The following PTK6 variants were observed in gnomAD, a reference collection of about 807,000 sequenced individuals.
PTK6 encodes the protein protein-tyrosine kinase 6.
Under a neutral mutation model 47.5 loss-of-function variants are expected in PTK6, and 47 were observed. The ratio of observed to expected loss-of-function variants is 0.99; its 90% confidence interval spans 0.78 to 1.26. The LOEUF (loss-of-function observed/expected upper bound fraction) is 1.26, where lower values mean the gene tolerates loss of function less well. PTK6 is among the 50% of genes most tolerant of loss of function. The probability of loss-of-function intolerance (pLI) is 0.00; values close to 1 mark genes in which losing one functional copy is unlikely to be tolerated. For synonymous variants in PTK6, 287 were observed against 276.5 expected (o/e 1.04, Z -0.38); for missense variants, 618 against 625.3 (o/e 0.99, Z 0.12).
At position 63,532,566 on chromosome 20, in the gene PTK6, C is replaced by T. The variant is rs773824786; in HGVS notation, c.792G>A (p.Thr264=). The T allele has an allele frequency of 5.1e-5, 83 of 1,613,812 alleles. No individual in the cohort carries two copies. Among genetic ancestry groups the T allele is most frequent in the Non-Finnish European group, 6.4e-5 (75 of 1,179,862 alleles). ...VSVGDPVYII[T]ELMAKGSLLE... ...GCAGGCTGCCCTTGGCCATGAGCTC[C>T]GTGATGATGTACACGGGGTCCCCCA... Residue 264 remains threonine, a synonymous_variant, in exon 5 of 8, where the codon ACG becomes ACA. Transcript: ENST00000542869.
rs200922148 is a variant in PTK6, at chr20:63,537,084, C to A, written c.230+1G>T. ...AGCTCCCAGCAGCCTAGGACACGCACGGTTCCGACTCCACCGTCTCCCTCT... is the reference window on the plus strand; with the variant it reads ...AGCTCCCAGCAGCCTAGGACACGCAAGGTTCCGACTCCACCGTCTCCCTCT... On this transcript the variant is annotated splice_donor_variant, in intron 1 of 7. Coordinates refer to ENST00000542869, the MANE Select transcript of PTK6 (RefSeq NM_005975.4). LOFTEE classifies it high-confidence loss of function. The A allele has an allele frequency of 5.4e-5, 86 of 1,606,604 alleles. No individual in the cohort carries two copies. The highest frequency in any genetic ancestry group is 7.1e-5 in the Non-Finnish European group (84 of 1,177,108).
At chr20:63,536,942 G>C in intron 1 of PTK6, 143 bp downstream of exon 1, 1 of 887,818 alleles carries the variant, frequency 1.1e-6, no homozygotes, top group Non-Finnish European at 1.7e-6. Flanking sequence ...CAAGCGGGAT[G>C]CCCAGCCTGG....
chr20:63,531,960 G>A (rs1210821878), intron 5 of PTK6, among the ~76,000 whole-genome samples: 1 of 152,222 alleles, frequency 6.6e-6, no homozygotes, highest in Non-Finnish European at 1.5e-5. Flanking sequence ...GACACACACG[G>A]CATTTTTCCT....
chr20:63,537,108 C>G lies in PTK6; in HGVS notation c.207G>C (p.Glu69Asp). The change falls in exon 1 of 8, where the codon GAG (glutamate) becomes GAC (aspartate). Residue 69 changes from glutamate (E) to aspartate (D), a missense_variant. Coordinates refer to ENST00000542869, the MANE Select transcript of PTK6 (RefSeq NM_005975.4). ...QGYVPHNYLA[E>D]RETVESEPWF... ...ACGGTTCCGACTCCACCGTCTCCCT[C>G]TCGGCCAGGTAGTTGTGGGGCACAT... The G allele has an allele frequency of 1.2e-6, 2 of 1,610,404 alleles. No homozygotes were observed. The highest frequency in any genetic ancestry group is 8.5e-7 in the Non-Finnish European group (1 of 1,178,988).
Position 63,530,316 on chromosome 20 carries a change from C to A in PTK6, c.1015-85G>T. 1 of 1,531,466 alleles carries A rather than the reference C, an allele frequency of 6.5e-7. No homozygotes were observed. Among genetic ancestry groups the A allele is most frequent in the Non-Finnish European group, 8.9e-7 (1 of 1,121,186 alleles). 94.9% of individuals were successfully genotyped at this position (1,531,466 alleles called of 1,614,324 possible). A position where few individuals can be genotyped will look rare whatever the true frequency, so the allele number is the denominator to read the frequency against. ...ATGGACGGGCACAGCGGCCGCATTGCCCCAGCAGTGGGACGGTGATGACCC... is the reference window on the plus strand; with the variant it reads ...ATGGACGGGCACAGCGGCCGCATTGACCCAGCAGTGGGACGGTGATGACCC... On this transcript the variant is annotated intron_variant, in intron 6 of 7. Coordinates refer to ENST00000542869, the MANE Select transcript of PTK6 (RefSeq NM_005975.4). The surrounding 1 kb of genome is among the most constrained non-coding windows in gnomAD (Gnocchi z 4.1).
chr20:63,534,897 G>GA (rs1569013077), intron 2 of PTK6, 41 bp downstream of exon 2: 7 of 1,562,272 alleles, frequency 4.5e-6, no homozygotes, highest in African/African-American at 1.3e-5. Flanking sequence ...AGAGCCAGGA[G>GA]CCCCCGCAGG....
intron 1 of PTK6, 60 bp from the exon 2 acceptor site, chr20:63,535,119 T>C: frequency 6.6e-7 from 1 of 1,520,062 alleles, no homozygotes; most frequent in South Asian, 1.3e-5. Context: ...GACCCCACGC[T>C]GGCCCCAGCC....
intron 1 of PTK6, among the ~76,000 whole-genome samples, chr20:63,535,687 C>G (rs1250626507): frequency 6.6e-6 from 1 of 151,662 alleles, no homozygotes; most frequent in East Asian, 1.9e-4. Context: ...CAGCATGGAG[C>G]CCCTGGGGTC....
At position 63,529,569 on chromosome 20, in the gene PTK6, G is replaced by T; in HGVS notation, c.1323C>A (p.Leu441=). Residue 441 remains leucine, a synonymous_variant, in exon 8 of 8, where the codon CTC becomes CTA. Coordinates refer to ENST00000542869, the MANE Select transcript of PTK6 (RefSeq NM_005975.4). This position sits in a 1 kb window ranked among gnomAD's most constrained non-coding sequence, Gnocchi z 5.6. ...GGTTCTCGTAGCTGGTGAAGCTGGA[G>T]AGCCTCTCCCGCAGGGCCTTGAAGC... is the stretch of plus-strand genomic sequence containing the variant. The part of the protein sequence containing the change: ...RPCFKALRER[L]SSFTSYENPT The T allele has an allele frequency of 6.3e-7, 1 of 1,575,338 alleles. No homozygotes were observed. Among genetic ancestry groups the T allele is most frequent in the South Asian group, 1.2e-5 (1 of 85,974 alleles).
chr20:63,530,306 G>A lies in PTK6; in HGVS notation c.1015-75C>T, dbSNP rs1006237481. 39 of 1,561,584 alleles carry A rather than the reference G, an allele frequency of 2.5e-5. No homozygotes were observed. The highest frequency in any genetic ancestry group is 3.1e-5 in the Non-Finnish European group (35 of 1,143,694). Reference sequence around the variant, plus strand: ...CCCCCGAAGCATGGACGGGCACAGCGGCCGCATTGCCCCAGCAGTGGGACG... The same window carrying A: ...CCCCCGAAGCATGGACGGGCACAGCAGCCGCATTGCCCCAGCAGTGGGACG... On this transcript the variant is annotated intron_variant, in intron 6 of 7. Coordinates refer to ENST00000542869, the MANE Select transcript of PTK6 (RefSeq NM_005975.4). This position sits in a 1 kb window ranked among gnomAD's most constrained non-coding sequence, Gnocchi z 4.1.
Position 63,537,172 on chromosome 20 carries a change from G to A in PTK6, c.143C>T (p.Thr48Met), listed in dbSNP as rs756149302. The A allele has an allele frequency of 1.7e-5, 27 of 1,612,230 alleles. No individual in the cohort carries two copies. The highest frequency in any genetic ancestry group is 4.4e-5 in the South Asian group (4 of 91,004). The stretch of plus-strand genomic sequence containing the variant: ...GGCCCCACCCGCCTCGTCCAGCAGC[G>A]TGGCCCACCACCACTGCTCCTCCTT... ...ARKEEQWWWA[T>M]LLDEAGGAVA... The change falls in exon 1 of 8, where the codon ACG (threonine) becomes ATG (methionine). Residue 48 changes from threonine (T) to methionine (M), a missense_variant. Thr to Met is a moderately conservative substitution (Grantham distance 81, BLOSUM62 -1). Transcript: ENST00000542869.
Position 63,532,528 on chromosome 20 carries a change from C to T in PTK6, c.830G>A (p.Arg277His), listed in dbSNP as rs748636967. 28 of 1,609,698 alleles carry T rather than the reference C, an allele frequency of 1.7e-5. No homozygotes were observed. Among genetic ancestry groups the T allele is most frequent in the African/African-American group, 2.7e-5 (2 of 74,870 alleles). Reference protein sequence around the residue: ...MAKGSLLELLRDSDEKVLPVS... With the variant: ...MAKGSLLELLHDSDEKVLPVS... ...GAGCCCCGGCCCATGCCACTCACCG[C>T]GGAGCAGCTCCAGCAGGCTGCCCTT... The change falls in exon 5 of 8, where the codon CGC becomes CAC. Residue 277 changes from arginine (R) to histidine (H), a missense_variant and splice_region_variant. Physicochemically the swap from Arg to His is conservative, Grantham distance 29 (BLOSUM62 0). Transcript: ENST00000542869.
chr20:63,534,693 G>C (rs1455500916), intron 2 of PTK6, among the ~76,000 whole-genome samples: 2 of 152,120 alleles, frequency 1.3e-5, no homozygotes, highest in Non-Finnish European at 2.9e-5. Context: ...GAGTGCCTCG[G>C]GCAGGGCTGG....
chr20:63,530,226 G>A lies in PTK6; in HGVS notation c.1020C>T (p.Asp340=), dbSNP rs751839013. ...TATTGTGGTCATGGGAGAGGTAGAC[G>A]TCCTCCTGCAATCAGCCTGGAGCTG... ...DFGLARLIKE[D]VYLSHDHNIP... is the part of the protein sequence containing the mutation. Residue 340 remains aspartate (D), a synonymous_variant, in exon 7 of 8, where the codon GAC becomes GAT. Coordinates refer to ENST00000542869, the MANE Select transcript of PTK6 (RefSeq NM_005975.4). The surrounding 1 kb of genome is among the most constrained non-coding windows in gnomAD (Gnocchi z 4.1). The A allele has an allele frequency of 2.1e-5, 34 of 1,613,760 alleles. No individual in the cohort carries two copies. In the African/African-American group the frequency reaches 3.2e-4, roughly 15 times the overall value.
Position 63,533,462 on chromosome 20 carries a change from C to T in PTK6, c.670+89G>A, listed in dbSNP as rs970684293. On this transcript the variant is annotated intron_variant, in intron 4 of 7. Transcript: ENST00000542869. This position sits in a 1 kb window ranked among gnomAD's most constrained non-coding sequence, Gnocchi z 4.0. ...TGGACGCTGTGGGTGCTGCTTGGGG[C>T]TCGAGGCCAGAGGTCCCTGTTGGCG... 4.8e-6 allele frequency: 7 copies of T among 1,446,176 alleles called. No homozygotes were observed. The highest frequency in any genetic ancestry group is 6.5e-6 in the Non-Finnish European group (7 of 1,082,546). 89.6% of individuals were successfully genotyped at this position (1,446,176 alleles called of 1,614,324 possible). A position where few individuals can be genotyped will look rare whatever the true frequency, so the allele number is the denominator to read the frequency against.
rs764809002 is a variant in PTK6 at position 63,530,802 on chromosome 20, C to T, written c.958G>A (p.Val320Ile). 1.3e-5 allele frequency: 21 copies of T among 1,614,116 alleles called. 1 individual carries two copies. The highest frequency in any genetic ancestry group is 1.7e-4 in the Middle Eastern group (1 of 6,060). ...ACTTTGCAGAGGGTGTTTTCCCCGA[C>T]GAGGATGTTCCTGGCGGCCAGGTCC... Reference protein sequence around the residue: ...HRDLAARNILVGENTLCKVGD... With the variant: ...HRDLAARNILIGENTLCKVGD... The change falls in exon 6 of 8, where the codon GTC (valine) becomes ATC (isoleucine). Residue 320 changes from valine to isoleucine, a missense_variant. By Grantham distance (29) the Val-to-Ile change is conservative. Transcript: ENST00000542869. The surrounding 1 kb of genome is among the most constrained non-coding windows in gnomAD (Gnocchi z 4.1).
Position 63,532,635 on chromosome 20 carries a change from C to G in PTK6, c.723G>C (p.Lys241Asn). 2.5e-6 allele frequency: 4 copies of G among 1,614,154 alleles called. No homozygotes were observed. Among genetic ancestry groups the G allele is most frequent in the Admixed American group, 1.7e-5 (1 of 60,032 alleles). Residue 241 changes from lysine (K) to asparagine (N), a missense_variant, in exon 5 of 8, where the codon AAG becomes AAC. Coordinates refer to ENST00000542869, the MANE Select transcript of PTK6 (RefSeq NM_005975.4). ...MLQSEIQAMK[K>N]LRHKHILALY... ...GCGCCAGGATGTGTTTGTGCCGCAG[C>G]TTCTTCATGGCCTGGATCTCCGACT... is the stretch of plus-strand genomic sequence containing the variant.
At chr20:63,535,145 C>CCAGCCGCCCTTGCCTGCCACCT in intron 1 of PTK6, 86 bp from the exon 2 acceptor site, 1 of 1,471,458 alleles carries the variant, frequency 6.8e-7, no homozygotes, top group Non-Finnish European at 9.0e-7. Flanking sequence ...GCCTGGAACC[C>CCAGCCGCCCTTGCCTGCCACCT]CAGCCGCCCT....
In PTK6 at chr20:63,529,970, G is replaced by C. The variant is rs1158488704; in HGVS notation, c.1168+108C>G. On this transcript the variant is annotated intron_variant, in intron 7 of 7. Transcript: ENST00000542869. The surrounding 1 kb of genome is among the most constrained non-coding windows in gnomAD (Gnocchi z 5.6). Reference sequence around the variant, plus strand: ...TGTGGAGTTCAGGCGATGGCCCGCGGAGGGCCCTGAAGCCCGTGGGGGAGG... The same window carrying C: ...TGTGGAGTTCAGGCGATGGCCCGCGCAGGGCCCTGAAGCCCGTGGGGGAGG... 2 of 1,386,998 alleles carry C rather than the reference G, an allele frequency of 1.4e-6. No homozygotes were observed. The highest frequency in any genetic ancestry group is 1.5e-5 in the African/African-American group (1 of 68,264). The allele number at this position is 1,386,998 out of a possible 1,614,324, so 85.9% of individuals were successfully genotyped here. A position where few individuals can be genotyped will look rare whatever the true frequency, so the allele number is the denominator to read the frequency against.
Sources: allele counts gnomAD v4.1 joint callset (sites outside exome capture counted in the v4.1 genomes callset), GRCh38; gene constraint gnomAD v4.1.1; non-coding constraint Gnocchi (gnomAD v3.1); transcripts MANE v1.5; gene names NCBI Gene and HGNC (gene_info 2026-07-23, HGNC 2026-07-21).